OR8J3: variants seen among roughly 807,000 people sequenced by gnomAD.
The protein encoded by OR8J3 is olfactory receptor 8J3.
For missense variants in OR8J3, 418 were observed against 379.8 expected, an observed-to-expected ratio of 1.10 and a Z score of -0.84; for synonymous variants, 170 against 142.6, an observed-to-expected ratio of 1.19 and a Z score of -1.37.
Position 56,137,306 on chromosome 11 carries a change from C to T in OR8J3, c.413G>A (p.Arg138Gln), listed in dbSNP as rs146251646. ...GGACACCAGCAGGAGGCAGAGCCGC[C>T]GAGACACCACCACCATGTAGAGCAG... ...NPLLYMVVVS[R>Q]RLCLLLVSLT... The change falls in exon 2 of 2, where the codon CGG becomes CAG. Residue 138 changes from arginine to glutamine, a missense_variant. Arg to Gln is a conservative substitution (Grantham distance 43). Coordinates refer to ENST00000642058, the MANE Select transcript of OR8J3 (RefSeq NM_001004064.2). 5.1e-5 allele frequency: 82 copies of T among 1,613,954 alleles called. 1 individual carries two copies. Among genetic ancestry groups the T allele is most frequent in the South Asian group, 1.1e-4 (10 of 91,052 alleles).
At position 56,137,098 on chromosome 11, in the gene OR8J3, C is replaced by A; in HGVS notation, c.621G>T (p.Leu207Phe). 6.2e-7 allele frequency: 1 copy of A among 1,613,200 alleles called. No homozygotes were observed. The highest frequency in any genetic ancestry group is 8.5e-7 in the Non-Finnish European group (1 of 1,179,704). ...TIVFISAATN[L>F]VFSMITVLVS... ...CTAGAACTGTAATCATGGAAAAAAC[C>A]AAATTTGTTGCTGCAGATATAAAGA... The change falls in exon 2 of 2, where the codon TTG becomes TTT. Residue 207 changes from leucine to phenylalanine, a missense_variant. Coordinates refer to ENST00000642058, the MANE Select transcript of OR8J3 (RefSeq NM_001004064.2).
Position 56,135,970 on chromosome 11 carries a change from T to C in OR8J3, c.*801A>G, listed in dbSNP as rs982790057. The stretch of plus-strand genomic sequence containing the variant: ...AACTATCAGAAAAAAAGAACAAAAA[T>C]TCAAAAAATATTTCTGATGATGTAA... On this transcript the variant is annotated 3_prime_UTR_variant, in exon 2 of 2. Coordinates refer to ENST00000642058, the MANE Select transcript of OR8J3 (RefSeq NM_001004064.2). 2.0e-5 allele frequency: 3 copies of C among 151,920 alleles called. No individual in the cohort carries two copies. The highest frequency in any genetic ancestry group is 7.2e-5 in the African/African-American group (3 of 41,414). The allele number at this position is 151,920 out of a possible 1,614,324, so 9.4% of individuals were successfully genotyped here.
At position 56,135,270 on chromosome 11, in the gene OR8J3, AT is replaced by A. The variant is rs1245692338; in HGVS notation, c.*1500del. 1 of 75,148 alleles carries A rather than the reference AT, an allele frequency of 1.3e-5. No individual in the cohort carries two copies. The allele number at this position is 75,148 out of a possible 1,614,324, so 4.7% of individuals were successfully genotyped here. The stretch of plus-strand genomic sequence containing the variant: ...CAGTGGAATCCAAAGATGACCTTTT[AT>A]AAAAAAAAAAATTATGATGGAAATG... On this transcript the variant is annotated 3_prime_UTR_variant, in exon 2 of 2. Transcript: ENST00000642058.
Position 56,135,734 on chromosome 11 carries a change from C to T in OR8J3, c.*1037G>A, listed in dbSNP as rs1054106223. The T allele has an allele frequency of 6.6e-6, 1 of 151,984 alleles. No individual in the cohort carries two copies. Among genetic ancestry groups the T allele is most frequent in the African/African-American group, 2.4e-5 (1 of 41,440 alleles). 9.4% of individuals were successfully genotyped at this position (151,984 alleles called of 1,614,324 possible). Reference sequence around the variant, plus strand: ...CACACACACAGAATGTCAACATAATCTTCCATATGTATCTTTCAGTCTAGT... The same window carrying T: ...CACACACACAGAATGTCAACATAATTTTCCATATGTATCTTTCAGTCTAGT... On this transcript the variant is annotated 3_prime_UTR_variant, in exon 2 of 2. Transcript: ENST00000642058.
Position 56,135,343 on chromosome 11 carries a change from A to G in OR8J3, c.*1428T>C, listed in dbSNP as rs1011502307. ...ATGAATTTGGGACTGTGGAAAAGTG[A>G]TTATGTTACCTCAAAAATCTCATCT... On this transcript the variant is annotated 3_prime_UTR_variant, in exon 2 of 2. Transcript: ENST00000642058. The G allele has an allele frequency of 6.6e-6, 1 of 151,950 alleles. No individual in the cohort carries two copies. The highest frequency in any genetic ancestry group is 1.9e-4 in the East Asian group (1 of 5,184). The allele number at this position is 151,950 out of a possible 1,614,324, so 9.4% of individuals were successfully genotyped here.
At position 56,137,343 on chromosome 11, in the gene OR8J3, T is replaced by C; in HGVS notation, c.376A>G (p.Ile126Val). The C allele has an allele frequency of 1.9e-6, 3 of 1,613,860 alleles. No homozygotes were observed. The highest frequency in any genetic ancestry group is 2.5e-6 in the Non-Finnish European group (3 of 1,179,936). The change falls in exon 2 of 2, where the codon ATT (isoleucine) becomes GTT (valine). Residue 126 changes from isoleucine (I) to valine (V), a missense_variant. Physicochemically the swap from Ile to Val is conservative, Grantham distance 29 (BLOSUM62 3). Coordinates refer to ENST00000642058, the MANE Select transcript of OR8J3 (RefSeq NM_001004064.2). ...AVMAYDRYVA[I>V]CNPLLYMVVV... ...ACCATGTAGAGCAGAGGGTTACAAA[T>C]GGCCACATAGCGGTCATAGGCCATC...
Position 56,137,181 on chromosome 11 carries a change from C to A in OR8J3, c.538G>T (p.Asp180Tyr). 6.2e-7 allele frequency: 1 copy of A among 1,613,682 alleles called. No individual in the cohort carries two copies. Among genetic ancestry groups the A allele is most frequent in the Non-Finnish European group, 8.5e-7 (1 of 1,179,852 alleles). The change falls in exon 2 of 2, where the codon GAT becomes TAT. Residue 180 changes from aspartate (D) to tyrosine (Y), a missense_variant. Physicochemically the swap from Asp to Tyr is radical, Grantham distance 160 (BLOSUM62 -3). Transcript: ENST00000642058. ...GATAATGCTAACAGAGGTGCAATATCACAGTAAAAATGATTGATTATATTA... is the reference window on the plus strand; with the variant it reads ...GATAATGCTAACAGAGGTGCAATATAACAGTAAAAATGATTGATTATATTA... ...SSNIINHFYC[D>Y]IAPLLALSCS... is the part of the protein sequence containing the mutation.
At chr11:56,138,766 C>T (rs1854361765) in intron 1 of OR8J3, among the ~76,000 whole-genome samples, 1 of 151,426 alleles carries the variant, frequency 6.6e-6, no homozygotes, top group Non-Finnish European at 1.5e-5. Flanking sequence ...CTGGGTACTA[C>T]TTTCTATTTC....
chr11:56,138,782 T>C (rs972781656), intron 1 of OR8J3, among the ~76,000 whole-genome samples: 1 of 152,122 alleles, frequency 6.6e-6, no homozygotes, highest in Non-Finnish European at 1.5e-5. Context: ...ATTTCTTCCC[T>C]CTCATGACTA....
rs1329247684 is a variant in OR8J3 at position 56,137,141 on chromosome 11, T to C, written c.578A>G (p.Tyr193Cys). ...PLLALSCSDT[Y>C]IPETIVFISA... The stretch of plus-strand genomic sequence containing the variant: ...TATAAAGACTATTGTTTCTGGTATG[T>C]AAGTATCAGAGCAAGATAATGCTAA... The change falls in exon 2 of 2, where the codon TAC (tyrosine) becomes TGC (cysteine). Residue 193 changes from tyrosine (Y) to cysteine (C), a missense_variant. Physicochemically the swap from Tyr to Cys is radical, Grantham distance 194. Transcript: ENST00000642058. 1.2e-6 allele frequency: 2 copies of C among 1,613,340 alleles called. No homozygotes were observed. The highest frequency in any genetic ancestry group is 1.1e-5 in the South Asian group (1 of 91,002).
chr11:56,136,034 A>T lies in OR8J3; in HGVS notation c.*737T>A, dbSNP rs1042206697. On this transcript the variant is annotated 3_prime_UTR_variant, in exon 2 of 2. Coordinates refer to ENST00000642058, the MANE Select transcript of OR8J3 (RefSeq NM_001004064.2). ...ACAAGTTTTTTTAAAGTTTATTAAT[A>T]TACAAAAATAGAACATTTGTTTTAC... is the stretch of plus-strand genomic sequence containing the variant. The T allele has an allele frequency of 2.0e-5, 3 of 152,048 alleles. No individual in the cohort carries two copies. Among genetic ancestry groups the T allele is most frequent in the African/African-American group, 7.2e-5 (3 of 41,458 alleles). The allele number at this position is 152,048 out of a possible 1,614,324, so 9.4% of individuals were successfully genotyped here. A position where few individuals can be genotyped will look rare whatever the true frequency, so the allele number is the denominator to read the frequency against.
rs752411061 is a variant in OR8J3 at position 56,137,033 on chromosome 11, C to T, written c.686G>A (p.Arg229His). Residue 229 changes from arginine to histidine, a missense_variant, in exon 2 of 2, where the codon CGT (arginine) becomes CAT (histidine). By Grantham distance (29) the Arg-to-His change is conservative. Transcript: ENST00000642058. ...GGCTTTTTTCCTTCCTTCTGGTGAA[C>T]GTATCCTTAGAATGGACAAAACAAT... ...FNIVLSILRI[R>H]SPEGRKKAFS... The T allele has an allele frequency of 3.7e-6, 6 of 1,613,620 alleles. No individual in the cohort carries two copies. Among genetic ancestry groups the T allele is most frequent in the South Asian group, 3.3e-5 (3 of 91,014 alleles).
chr11:56,137,070 A>G lies in OR8J3; in HGVS notation c.649T>C (p.Ser217Pro), dbSNP rs1240271051. 6.2e-7 allele frequency: 1 copy of G among 1,613,868 alleles called. No individual in the cohort carries two copies. Among genetic ancestry groups the G allele is most frequent in the Non-Finnish European group, 8.5e-7 (1 of 1,179,964 alleles). Residue 217 changes from serine to proline, a missense_variant, in exon 2 of 2, where the codon TCT becomes CCT. Physicochemically the swap from Ser to Pro is moderately conservative, Grantham distance 74. Coordinates refer to ENST00000642058, the MANE Select transcript of OR8J3 (RefSeq NM_001004064.2). Reference protein sequence around the residue: ...LVFSMITVLVSYFNIVLSILR... With the variant: ...LVFSMITVLVPYFNIVLSILR... Reference sequence around the variant, plus strand: ...ATGGACAAAACAATATTGAAATAAGATACTAGAACTGTAATCATGGAAAAA... The same window carrying G: ...ATGGACAAAACAATATTGAAATAAGGTACTAGAACTGTAATCATGGAAAAA...
chr11:56,136,821 C>T lies in OR8J3; in HGVS notation c.898G>A (p.Ala300Thr). The T allele has an allele frequency of 6.2e-7, 1 of 1,603,162 alleles. No individual in the cohort carries two copies. Residue 300 changes from alanine to threonine, a missense_variant, in exon 2 of 2, where the codon GCC becomes ACC. Physicochemically the swap from Ala to Thr is moderately conservative, Grantham distance 58 (BLOSUM62 0). Coordinates refer to ENST00000642058, the MANE Select transcript of OR8J3 (RefSeq NM_001004064.2). ...GGATTTTCCATGAATTTCTTTAAGG[C>T]AACATTTACATCATTATTCCTCAGG... ...YSLRNNDVNVALKKFMENPCY... is the reference protein window; with the variant it reads ...YSLRNNDVNVTLKKFMENPCY...
At position 56,137,453 on chromosome 11, in the gene OR8J3, T is replaced by A; in HGVS notation, c.266A>T (p.Lys89Met). The part of the protein sequence containing the change: ...PKMLMNFLVK[K>M]KTTSFYECAT... Reference sequence around the variant, plus strand: ...ACATTCATAGAATGAGGTAGTTTTCTTCTTTACTAAAAAGTTCATCAGCAT... The same window carrying A: ...ACATTCATAGAATGAGGTAGTTTTCATCTTTACTAAAAAGTTCATCAGCAT... Residue 89 changes from lysine to methionine, a missense_variant, in exon 2 of 2, where the codon AAG becomes ATG. Physicochemically the swap from Lys to Met is moderately conservative, Grantham distance 95 (BLOSUM62 -1). Transcript: ENST00000642058. 1.2e-6 allele frequency: 2 copies of A among 1,614,244 alleles called. No homozygotes were observed. The highest frequency in any genetic ancestry group is 1.7e-6 in the Non-Finnish European group (2 of 1,180,046).
chr11:56,137,022 C>T lies in OR8J3; in HGVS notation c.697G>A (p.Gly233Arg), dbSNP rs1044817587. 4 of 1,613,464 alleles carry T rather than the reference C, an allele frequency of 2.5e-6. No individual in the cohort carries two copies. The highest frequency in any genetic ancestry group is 2.5e-6 in the Non-Finnish European group (3 of 1,179,846). ...CAGGTGGAAAAGGCTTTTTTCCTTC[C>T]TTCTGGTGAACGTATCCTTAGAATG... ...LSILRIRSPE[G>R]RKKAFSTCAS... The change falls in exon 2 of 2, where the codon GGA (glycine) becomes AGA (arginine). Residue 233 changes from glycine (G) to arginine (R), a missense_variant. Coordinates refer to ENST00000642058, the MANE Select transcript of OR8J3 (RefSeq NM_001004064.2).
In OR8J3 at chr11:56,137,597, C is replaced by G. The variant is rs1350962458; in HGVS notation, c.122G>C (p.Gly41Ala). The change falls in exon 2 of 2, where the codon GGG becomes GCG. Residue 41 changes from glycine (G) to alanine (A), a missense_variant. Coordinates refer to ENST00000642058, the MANE Select transcript of OR8J3 (RefSeq NM_001004064.2). ...FLVLYVLTMAGNLGIITLTSV... is the reference protein window; with the variant it reads ...FLVLYVLTMAANLGIITLTSV... ...GGTGAGGGTGATGATGCCCAGGTTCCCTGCCATGGTCAGCACATAGAGCAC... is the reference window on the plus strand; with the variant it reads ...GGTGAGGGTGATGATGCCCAGGTTCGCTGCCATGGTCAGCACATAGAGCAC... The G allele has an allele frequency of 6.2e-7, 1 of 1,614,012 alleles. No individual in the cohort carries two copies. The highest frequency in any genetic ancestry group is 8.5e-7 in the Non-Finnish European group (1 of 1,180,040).
In OR8J3 at chr11:56,134,938, A is replaced by C. The variant is rs2134683151; in HGVS notation, c.*1833T>G. The C allele has an allele frequency of 1.3e-5, 2 of 152,162 alleles. No individual in the cohort carries two copies. Among genetic ancestry groups the C allele is most frequent in the South Asian group, 4.1e-4 (2 of 4,820 alleles). 9.4% of individuals were successfully genotyped at this position (152,162 alleles called of 1,614,324 possible). A position where few individuals can be genotyped will look rare whatever the true frequency, so the allele number is the denominator to read the frequency against. On this transcript the variant is annotated 3_prime_UTR_variant, in exon 2 of 2. Transcript: ENST00000642058. ...TAGTACTCCATTCATTTATTATCGC[A>C]CTAGGTAAACCAATGATTTTTCAAC...
intron 1 of OR8J3, among the ~76,000 whole-genome samples, chr11:56,139,021 T>C (rs564841672): frequency 6.6e-6 from 1 of 152,152 alleles, no homozygotes; most frequent in South Asian, 2.1e-4. Context: ...TTGCATGTAT[T>C]TGCCATAGAT....
Sources: gnomAD v4.1 joint callset for allele counts (sites outside exome capture counted in the v4.1 genomes callset) on GRCh38, gnomAD v4.1.1 for gene constraint, MANE v1.5 for transcripts, NCBI Gene and HGNC (gene_info 2026-07-23, HGNC 2026-07-21) for gene names.